Variants in ST6GAL2 observed in about 807,000 individuals in gnomAD.
ST6GAL2 encodes beta-galactoside alpha-2,6-sialyltransferase 2.
ST6GAL2 carries 24 observed loss-of-function variants against 37.5 expected under a neutral mutation model. The observed-to-expected ratio is 0.64, with a 90% CI of 0.46 to 0.90. The LOEUF is 0.90. Among genes scored for constraint, ST6GAL2 ranks in the 40% least tolerant of loss-of-function variants. The pLI is 0.00. For missense variants in ST6GAL2, 715 were observed against 712.7 expected (o/e 1.00, Z -0.04); for synonymous variants, 306 against 295.1 (o/e 1.04, Z -0.38).
chr2:106,873,490 T>C (rs924524176), intron 1 of ST6GAL2, among the ~76,000 whole-genome samples: 1 of 152,176 alleles, frequency 6.6e-6, no homozygotes, highest in African/African-American at 2.4e-5. Context: ...GTGCTGAAAA[T>C]GTATATAGTT....
At chr2:106,838,784 C>G (rs536388454) in intron 2 of ST6GAL2, among the ~76,000 whole-genome samples, 91 of 152,300 alleles carry the variant, frequency 6.0e-4, no homozygotes, top group Non-Finnish European at 6.0e-4. Flanking sequence ...ACCTGTACTT[C>G]CAGCACTTTG....
intron 4 of ST6GAL2, among the ~76,000 whole-genome samples, chr2:106,831,392 A>T (rs1376059084): frequency 6.6e-6 from 1 of 152,230 alleles, no homozygotes. Flanking sequence ...GGAAGAAATA[A>T]GGTCCAATAG....
chr2:106,803,373 G>GCTT lies in ST6GAL2; in HGVS notation c.*3302_*3304dup, dbSNP rs943145825. ...CCTCCCTTGCCCATCCAAGCCTGATGCTTACATGCAACTTTTAATTGACCA... is the reference window on the plus strand; with the variant it reads ...CCTCCCTTGCCCATCCAAGCCTGATGCTTCTTACATGCAACTTTTAATTGACCA... On this transcript the variant is annotated 3_prime_UTR_variant, in exon 6 of 6. Coordinates refer to ENST00000409382, the MANE Select transcript of ST6GAL2 (RefSeq NM_001142351.2). 1 of 152,118 alleles carries GCTT rather than the reference G, an allele frequency of 6.6e-6. No individual in the cohort carries two copies. The highest frequency in any genetic ancestry group is 1.5e-5 in the Non-Finnish European group (1 of 68,034). The allele number at this position is 152,118 out of a possible 1,614,324, so 9.4% of individuals were successfully genotyped here. A position where few individuals can be genotyped will look rare whatever the true frequency, so the allele number is the denominator to read the frequency against.
At chr2:106,872,716 C>G (rs935490893) in intron 1 of ST6GAL2, among the ~76,000 whole-genome samples, 1 of 151,868 alleles carries the variant, frequency 6.6e-6, no homozygotes, top group African/African-American at 2.4e-5. Flanking sequence ...GTTCTCCTGC[C>G]TCAGCCTCCT....
intron 5 of ST6GAL2, among the ~76,000 whole-genome samples, chr2:106,811,216 C>T (rs1319177019): frequency 1.3e-5 from 2 of 151,952 alleles, no homozygotes; most frequent in Non-Finnish European, 2.9e-5. Flanking sequence ...AATTTGATTC[C>T]ATCTACATAT....
At chr2:106,816,600 T>G (rs1675808366) in intron 5 of ST6GAL2, among the ~76,000 whole-genome samples, 1 of 152,054 alleles carries the variant, frequency 6.6e-6, no homozygotes, top group African/African-American at 2.4e-5. Flanking sequence ...ATTTAGAAAT[T>G]TGAGAGGGCT....
rs1237256655 is a variant in ST6GAL2 at position 106,843,183 on chromosome 2, G to A, written c.795C>T (p.Asp265=). 3 of 1,551,712 alleles carry A rather than the reference G, an allele frequency of 1.9e-6. No individual in the cohort carries two copies. The highest frequency in any genetic ancestry group is 2.6e-6 in the Non-Finnish European group (3 of 1,149,366). ...LRSRARVRTL[D]GTEAPFSALG... is the part of the protein sequence containing the mutation. ...GCGCAGAAAAGGGCGCCTCGGTGCCGTCCAGCGTCCGCACGCGCGCGCGGC... is the reference window on the plus strand; with the variant it reads ...GCGCAGAAAAGGGCGCCTCGGTGCCATCCAGCGTCCGCACGCGCGCGCGGC... Residue 265 remains aspartate (D), a synonymous_variant, in exon 2 of 6, where the codon GAC becomes GAT. Coordinates refer to ENST00000409382, the MANE Select transcript of ST6GAL2 (RefSeq NM_001142351.2).
At chr2:106,851,662 TTTTC>T (rs1385494567) in intron 1 of ST6GAL2, among the ~76,000 whole-genome samples, 2 of 113,620 alleles carry the variant, frequency 1.8e-5, no homozygotes, top group African/African-American at 3.0e-5. Context: ...TGGAGAGTGT[TTTTC>T]TTTCTTTTTT....
intron 1 of ST6GAL2, among the ~76,000 whole-genome samples, chr2:106,857,342 C>A (rs980081390): frequency 2.6e-5 from 4 of 152,088 alleles, no homozygotes; most frequent in African/African-American, 7.2e-5. Context: ...GTGGCTCATG[C>A]CTGTAATCCC....
chr2:106,884,616 A>G (rs1432515487), intron 1 of ST6GAL2, among the ~76,000 whole-genome samples: 1 of 152,140 alleles, frequency 6.6e-6, no homozygotes, highest in Non-Finnish European at 1.5e-5. Context: ...AGATGCTACC[A>G]TTTGTATCTA....
At chr2:106,829,956 C>G in intron 5 of ST6GAL2, 110 bp downstream of exon 5, 1 of 1,001,318 alleles carries the variant, frequency 1.0e-6, no homozygotes, top group South Asian at 1.6e-5. Context: ...TGGTTCCAGG[C>G]ATTTCAGATA....
intron 2 of ST6GAL2, 35 bp from the exon 3 acceptor site, chr2:106,834,181 C>A: frequency 6.7e-7 from 1 of 1,495,250 alleles, no homozygotes; most frequent in South Asian, 1.1e-5. Flanking sequence ...TACTTTTGTT[C>A]TCTGTAGAAT....
intron 1 of ST6GAL2, among the ~76,000 whole-genome samples, chr2:106,860,304 G>A (rs768681882): frequency 1.3e-5 from 2 of 152,206 alleles, no homozygotes; most frequent in Non-Finnish European, 2.9e-5. Context: ...CATCCTCAGA[G>A]CCTGGAACAG....
At chr2:106,812,004 C>T (rs73949760) in intron 5 of ST6GAL2, among the ~76,000 whole-genome samples, 8 of 152,212 alleles carry the variant, frequency 5.3e-5, no homozygotes, top group Non-Finnish European at 1.0e-4. Context: ...ACCACTGCTA[C>T]GAACTGAATG....
chr2:106,879,723 T>TTA (rs1014878705), intron 1 of ST6GAL2, among the ~76,000 whole-genome samples: 2 of 147,970 alleles, frequency 1.4e-5, no homozygotes, highest in African/African-American at 4.9e-5. Flanking sequence ...TTATATATTA[T>TTA]TATATAGACC....
intron 5 of ST6GAL2, among the ~76,000 whole-genome samples, chr2:106,817,816 C>T (rs1259588164): frequency 6.6e-6 from 1 of 152,192 alleles, no homozygotes; most frequent in Non-Finnish European, 1.5e-5. Flanking sequence ...ACTTCTTGAC[C>T]TGCCCTGGGC....
chr2:106,815,380 A>C (rs1036495444), intron 5 of ST6GAL2, among the ~76,000 whole-genome samples: 1 of 152,240 alleles, frequency 6.6e-6, no homozygotes, highest in African/African-American at 2.4e-5. Context: ...ACTTGTCAAC[A>C]TAATTGTTTG....
intron 1 of ST6GAL2, among the ~76,000 whole-genome samples, chr2:106,846,215 G>C (rs1437423393): frequency 6.6e-6 from 1 of 152,226 alleles, no homozygotes; most frequent in Non-Finnish European, 1.5e-5. Context: ...TCAACGGTGA[G>C]TGATAATGAT....
At chr2:106,819,671 C>T (rs1675927448) in intron 5 of ST6GAL2, among the ~76,000 whole-genome samples, 1 of 151,856 alleles carries the variant, frequency 6.6e-6, no homozygotes, top group African/African-American at 2.4e-5. Context: ...TCTGAAGGTA[C>T]AAAAGGTACT....
Sources: gnomAD v4.1 joint callset for allele counts (sites outside exome capture counted in the v4.1 genomes callset) on GRCh38, gnomAD v4.1.1 for gene constraint, MANE v1.5 for transcripts, NCBI Gene and HGNC (gene_info 2026-07-23, HGNC 2026-07-21) for gene names.